VAT1L: variants seen among roughly 807,000 people sequenced by gnomAD.
The protein encoded by VAT1L is putative NADPH-dependent quinone oxidoreductase VAT1L.
Under a neutral mutation model 44.1 loss-of-function variants are expected in VAT1L, and 34 were observed. The ratio of observed to expected loss-of-function variants is 0.77; its 90% confidence interval spans 0.59 to 1.03. The LOEUF (loss-of-function observed/expected upper bound fraction) is 1.03, where lower values mean the gene tolerates loss of function less well. VAT1L is among the 50% of genes least tolerant of loss of function. The pLI, the probability that VAT1L is intolerant of heterozygous loss-of-function variation, is 0.00. For synonymous variants in VAT1L, 253 were observed against 202.2 expected, an observed-to-expected ratio of 1.25 and a Z score of -2.13; for missense variants, 615 against 538.8, an observed-to-expected ratio of 1.14 and a Z score of -1.40.
chr16:77,942,349 C>T (rs1267211138), intron 7 of VAT1L, among the ~76,000 whole-genome samples: 1 of 152,138 alleles, frequency 6.6e-6, no homozygotes, highest in Non-Finnish European at 1.5e-5. Flanking sequence ...CCCCCTGGTT[C>T]CCTCCCACGA....
At chr16:77,945,712 T>G (rs2017952809) in intron 7 of VAT1L, among the ~76,000 whole-genome samples, 1 of 152,142 alleles carries the variant, frequency 6.6e-6, no homozygotes, top group Non-Finnish European at 1.5e-5. Context: ...CAGTAACCCT[T>G]TTGTATGAGT....
chr16:77,815,323 A>G (rs1312824943), intron 1 of VAT1L, among the ~76,000 whole-genome samples: 1 of 152,212 alleles, frequency 6.6e-6, no homozygotes. Context: ...ATCCATGACT[A>G]TTCCTTCATT....
chr16:77,953,685 C>G (rs2018070675), intron 7 of VAT1L, among the ~76,000 whole-genome samples: 2 of 152,106 alleles, frequency 1.3e-5, no homozygotes, highest in Non-Finnish European at 2.9e-5. Flanking sequence ...CCACCACATC[C>G]AACTGTCTTT....
intron 3 of VAT1L, among the ~76,000 whole-genome samples, chr16:77,855,861 T>TA (rs1211853995): frequency 6.6e-6 from 1 of 151,994 alleles, no homozygotes; most frequent in Non-Finnish European, 1.5e-5. Flanking sequence ...CTACTAAAAA[T>TA]ACAAAAATTA....
chr16:77,814,177 C>T (rs2016312135), intron 1 of VAT1L, among the ~76,000 whole-genome samples: 1 of 152,142 alleles, frequency 6.6e-6, no homozygotes, highest in African/African-American at 2.4e-5. Context: ...CAGTTCTTGA[C>T]ACAAACTAAA....
intron 7 of VAT1L, among the ~76,000 whole-genome samples, chr16:77,957,620 G>C (rs1354581352): frequency 6.6e-6 from 1 of 151,952 alleles, no homozygotes; most frequent in African/African-American, 2.4e-5. Context: ...AGCTACTCGG[G>C]AGGCTGAGGC....
chr16:77,959,697 G>A (rs1383725427), intron 7 of VAT1L, among the ~76,000 whole-genome samples: 1 of 152,140 alleles, frequency 6.6e-6, no homozygotes, highest in Non-Finnish European at 1.5e-5. Context: ...CATTAAAAAG[G>A]AAGTTGGCTA....
intron 7 of VAT1L, among the ~76,000 whole-genome samples, chr16:77,896,903 C>A (rs1298315672): frequency 2.0e-5 from 3 of 152,192 alleles, no homozygotes; most frequent in African/African-American, 4.8e-5. Context: ...GGGACAGAGT[C>A]AACTCACACT....
chr16:77,846,228 G>C (rs1275472323), intron 3 of VAT1L, among the ~76,000 whole-genome samples: 1 of 152,180 alleles, frequency 6.6e-6, no homozygotes, highest in Admixed American at 6.5e-5. Context: ...TGTAGACACA[G>C]TTTCATTACT....
chr16:77,826,143 C>A (rs35807388), intron 3 of VAT1L, among the ~76,000 whole-genome samples: 3 of 147,440 alleles, frequency 2.0e-5, no homozygotes, highest in Non-Finnish European at 4.5e-5. Context: ...GGAGGCAGAG[C>A]TTGCAGTGAG....
chr16:77,856,071 A>G (rs543848569), intron 3 of VAT1L, among the ~76,000 whole-genome samples: 2 of 152,322 alleles, frequency 1.3e-5, no homozygotes, highest in Admixed American at 6.5e-5. Context: ...GAATGACTCA[A>G]TGAAGTAACA....
intron 8 of VAT1L, among the ~76,000 whole-genome samples, chr16:77,977,022 A>G (rs1406972371): frequency 6.6e-6 from 1 of 152,136 alleles, no homozygotes; most frequent in East Asian, 1.9e-4. Context: ...AATACCCCTC[A>G]CACCTCCCCT....
At chr16:77,964,708 C>A (rs563181681) in intron 7 of VAT1L, among the ~76,000 whole-genome samples, 1 of 150,750 alleles carries the variant, frequency 6.6e-6, no homozygotes, top group African/African-American at 2.5e-5. Flanking sequence ...TCTTGTTTAA[C>A]TGGGTCACTC....
At chr16:77,940,487 G>T (rs1165164298) in intron 7 of VAT1L, among the ~76,000 whole-genome samples, 1 of 151,854 alleles carries the variant, frequency 6.6e-6, no homozygotes. Context: ...GGGATTACAG[G>T]CACGTGCTAC....
At chr16:77,910,879 C>T (rs983191705) in intron 7 of VAT1L, among the ~76,000 whole-genome samples, 2 of 152,096 alleles carry the variant, frequency 1.3e-5, no homozygotes, top group African/African-American at 2.4e-5. Context: ...AAGAGCATTA[C>T]GACAGTACAT....
In VAT1L at chr16:77,884,712, C is replaced by T; in HGVS notation, c.987C>T (p.Gly329=). ...LNLLFKQGRA[G]LIRGVVEKLI... is the part of the protein sequence containing the mutation. Reference sequence around the variant, plus strand: ...TGCTCTTCAAACAAGGCCGGGCGGGCCTCATTCGGGGAGTGGTGGAAAAAC... The same window carrying T: ...TGCTCTTCAAACAAGGCCGGGCGGGTCTCATTCGGGGAGTGGTGGAAAAAC... The change falls in exon 7 of 9, where the codon GGC becomes GGT. Residue 329 remains glycine (G), a synonymous_variant. Transcript: ENST00000302536. This position sits in a 1 kb window ranked among gnomAD's most constrained non-coding sequence, Gnocchi z 4.5. The T allele has an allele frequency of 6.2e-7, 1 of 1,609,678 alleles. No homozygotes were observed. Among genetic ancestry groups the T allele is most frequent in the African/African-American group, 1.3e-5 (1 of 74,886 alleles).
chr16:77,971,081 T>C (rs750310600), intron 7 of VAT1L, among the ~76,000 whole-genome samples: 1 of 152,150 alleles, frequency 6.6e-6, no homozygotes, highest in East Asian at 1.9e-4. Flanking sequence ...AGCATGGGCC[T>C]GTACCAAGCA....
At chr16:77,895,003 A>G (rs915763808) in intron 7 of VAT1L, among the ~76,000 whole-genome samples, 4 of 151,500 alleles carry the variant, frequency 2.6e-5, no homozygotes, top group Non-Finnish European at 5.9e-5. Context: ...TGTTTGCTGT[A>G]GGTCCCTACA....
At chr16:77,939,028 A>G (rs575610482) in intron 7 of VAT1L, among the ~76,000 whole-genome samples, 1 of 152,146 alleles carries the variant, frequency 6.6e-6, no homozygotes, top group East Asian at 1.9e-4. Context: ...ATCAACCTGG[A>G]CTGCTCAGAT....
Sources: gnomAD v4.1 joint callset for allele counts (sites outside exome capture counted in the v4.1 genomes callset) on GRCh38, gnomAD v4.1.1 for gene constraint, Gnocchi (gnomAD v3.1) non-coding constraint, MANE v1.5 for transcripts, NCBI Gene and HGNC (gene_info 2026-07-23, HGNC 2026-07-21) for gene names.